FAT1: variants seen among roughly 807,000 people sequenced by gnomAD.
The protein encoded by FAT1 is protocadherin Fat 1.
Under a neutral mutation model 329.8 loss-of-function variants are expected in FAT1, and 171 were observed. The observed-to-expected ratio is 0.52, with a 90% CI of 0.46 to 0.59. The LOEUF (loss-of-function observed/expected upper bound fraction) is 0.59, where lower values mean the gene tolerates loss of function less well. FAT1 is among the 20% of genes least tolerant of loss of function. The pLI is 0.00. For missense variants in FAT1, 5,672 were observed against 5,774.4 expected, an observed-to-expected ratio of 0.98 and a Z score of 0.57; for synonymous variants, 2,233 against 2,228.6, an observed-to-expected ratio of 1.00 and a Z score of -0.06.
rs1360630730 is a variant in FAT1, at chr4:186,619,022, C to T, written c.7564G>A (p.Gly2522Ser). ...TGGTAAGTAACGTGACCATAAATAC[C>T]AGAATCCCCATCCGTAGTTTTCACC... ...MEVKTTDGDS[G>S]IYGHVTYHIV... Residue 2522 changes from glycine (G) to serine (S), a missense_variant, in exon 10 of 27, where the codon GGT becomes AGT. By Grantham distance (56) the Gly-to-Ser change is moderately conservative. Transcript: ENST00000441802. The T allele has an allele frequency of 6.2e-7, 1 of 1,613,838 alleles. No homozygotes were observed. The highest frequency in any genetic ancestry group is 8.5e-7 in the Non-Finnish European group (1 of 1,179,896).
chr4:186,627,554 C>T (rs1193610266), intron 9 of FAT1, among the ~76,000 whole-genome samples: 4 of 152,112 alleles, frequency 2.6e-5, no homozygotes, highest in Non-Finnish European at 5.9e-5. Context: ...TGCCTCAAGC[C>T]CCACCCCAGC....
upstream of FAT1, chr4:186,726,641 C>CCAGG (rs2126731592): frequency 6.6e-6 from 1 of 152,412 alleles, no homozygotes; most frequent in South Asian, 2.1e-4. Flanking sequence ...CAGGACGTGC[C>CCAGG]CAGGCAGCCA....
At chr4:186,655,877 C>A (rs1579397068) in intron 3 of FAT1, among the ~76,000 whole-genome samples, 2 of 152,336 alleles carry the variant, frequency 1.3e-5, no homozygotes, top group Non-Finnish European at 2.9e-5. Context: ...AAAGAAAATG[C>A]AAACACTAGT....
At chr4:186,697,235 C>T (rs141081550) in intron 2 of FAT1, among the ~76,000 whole-genome samples, 1 of 152,196 alleles carries the variant, frequency 6.6e-6, no homozygotes, top group East Asian at 1.9e-4. Context: ...GTATCAATGA[C>T]CCTTGGACAA....
Position 186,618,519 on chromosome 4 carries a change from GACAAGA to G in FAT1, c.8061_8066del (p.Leu2688_Val2689del). The G allele has an allele frequency of 1.2e-6, 2 of 1,614,008 alleles. No individual in the cohort carries two copies. The highest frequency in any genetic ancestry group is 1.7e-6 in the Non-Finnish European group (2 of 1,179,886). On this transcript the variant is annotated inframe_deletion, in exon 10 of 27. Coordinates refer to ENST00000441802, the MANE Select transcript of FAT1 (RefSeq NM_005245.4). ...TTTCCGGTGGAAGGATTTTAACATA[GACAAGA>G]ACAACAGATTCTTTTGATGGAGACC... is the stretch of plus-strand genomic sequence containing the variant.
At chr4:186,695,293 G>A (rs558007938) in intron 2 of FAT1, among the ~76,000 whole-genome samples, 14 of 152,278 alleles carry the variant, frequency 9.2e-5, no homozygotes, top group African/African-American at 3.1e-4. Context: ...GACACAACAC[G>A]TAACTCAGGT....
In FAT1 at chr4:186,644,173, T is replaced by A. The variant is rs1020685558; in HGVS notation, c.3581-4390A>T. The stretch of plus-strand genomic sequence containing the variant: ...TCCCTATCACACCTGACTGCGTAAT[T>A]TGCTGTATTATAGTATTTCAACACT... On this transcript the variant is annotated intron_variant, in intron 3 of 26. Coordinates refer to ENST00000441802, the MANE Select transcript of FAT1 (RefSeq NM_005245.4). 6.6e-5 allele frequency among the ~76,000 whole-genome samples: 10 copies of A among 152,258 alleles called. No homozygotes were observed. In the South Asian group the frequency reaches 1.9e-3, roughly 28 times the overall value.
In FAT1 at chr4:186,706,700, ACTGTCCCCTTTTC is replaced by A. The variant is rs1744624867; in HGVS notation, c.3115_3127del (p.Glu1039Ter). 1 of 1,613,684 alleles carries A rather than the reference ACTGTCCCCTTTTC, an allele frequency of 6.2e-7. No individual in the cohort carries two copies. Among genetic ancestry groups the A allele is most frequent in the Admixed American group, 1.7e-5 (1 of 59,990 alleles). Reference sequence around the variant, plus strand: ...TGAACCAACAGGTGCATCTTCTTTCACTGTCCCCTTTTCCACAAAGCTGGAAAACACGGGTGGG... The same window carrying A: ...TGAACCAACAGGTGCATCTTCTTTCACACAAAGCTGGAAAACACGGGTGGG... On this transcript the variant is annotated frameshift_variant, in exon 2 of 27. Transcript: ENST00000441802. LOFTEE classifies it high-confidence loss of function.
chr4:186,593,370 A>G (rs1051744454), intron 26 of FAT1, among the ~76,000 whole-genome samples: 4 of 152,214 alleles, frequency 2.6e-5, no homozygotes, highest in African/African-American at 9.7e-5. Context: ...GATTGTTTTA[A>G]AATAACTATG....
intron 2 of FAT1, among the ~76,000 whole-genome samples, chr4:186,683,342 T>C (rs1743313354): frequency 6.6e-6 from 1 of 152,002 alleles, no homozygotes; most frequent in Non-Finnish European, 1.5e-5. Flanking sequence ...CACAGCACCA[T>C]CCACCTTGCA....
Position 186,706,043 on chromosome 4 carries a change from G to A in FAT1, c.3265+520C>T, listed in dbSNP as rs553874077. ...TGCCACTACCCCGCCTCTGCCTCTC[G>A]ACCAAAACCTAGACGAGGTACTAAG... On this transcript the variant is annotated intron_variant, in intron 2 of 26. Transcript: ENST00000441802. Among the ~76,000 whole-genome samples the A allele has an allele frequency of 2.6e-5, 4 of 152,240 alleles. No individual in the cohort carries two copies. The South Asian group carries it at 6.2e-4, about 24-fold the overall frequency.
At position 186,708,820 on chromosome 4, in the gene FAT1, T is replaced by C. The variant is rs768795300; in HGVS notation, c.1008A>G (p.Leu336=). The C allele has an allele frequency of 6.2e-7, 1 of 1,613,940 alleles. No individual in the cohort carries two copies. Among genetic ancestry groups the C allele is most frequent in the Non-Finnish European group, 8.5e-7 (1 of 1,179,862 alleles). Residue 336 remains leucine (L), a synonymous_variant, in exon 2 of 27, where the codon CTA becomes CTG. Transcript: ENST00000441802. ...DSHPFGYNLT[L]QAKDKGTPPQ... is the part of the protein sequence containing the mutation. Reference sequence around the variant, plus strand: ...GCGGAGTTCCTTTATCTTTAGCCTGTAGTGTGAGATTGTAGCCGAAAGGAT... The same window carrying C: ...GCGGAGTTCCTTTATCTTTAGCCTGCAGTGTGAGATTGTAGCCGAAAGGAT...
chr4:186,630,961 T>C (rs754368832), intron 7 of FAT1, among the ~76,000 whole-genome samples: 4 of 152,174 alleles, frequency 2.6e-5, no homozygotes, highest in African/African-American at 4.8e-5. Context: ...CTGGAATCAA[T>C]GGCGGTCAGC....
At chr4:186,700,295 G>A (rs781094231) in intron 2 of FAT1, among the ~76,000 whole-genome samples, 8 of 152,136 alleles carry the variant, frequency 5.3e-5, no homozygotes, top group Middle Eastern at 3.2e-3. Flanking sequence ...CATTTTTACC[G>A]ATTAAATCAC....
chr4:186,696,844 CA>C (rs953311225), intron 2 of FAT1, among the ~76,000 whole-genome samples: 1 of 152,064 alleles, frequency 6.6e-6, no homozygotes, highest in Admixed American at 6.5e-5. Context: ...GCCAACACAG[CA>C]AAAACTCGTC....
rs1214929612 is a variant in FAT1, at chr4:186,588,548, C to A, written c.*44G>T. The stretch of plus-strand genomic sequence containing the variant: ...AGAACAGCGCGGATTACTCACATCA[C>A]CTCTAGGTTCACTAAAGTCAGGCAC... On this transcript the variant is annotated 3_prime_UTR_variant, in exon 27 of 27. Coordinates refer to ENST00000441802, the MANE Select transcript of FAT1 (RefSeq NM_005245.4). 4 of 1,577,222 alleles carry A rather than the reference C, an allele frequency of 2.5e-6. No individual in the cohort carries two copies. The highest frequency in any genetic ancestry group is 2.6e-6 in the Non-Finnish European group (3 of 1,163,742).
chr4:186,674,892 A>G (rs961653110), intron 2 of FAT1, among the ~76,000 whole-genome samples: 2 of 151,986 alleles, frequency 1.3e-5, no homozygotes, highest in African/African-American at 4.8e-5. Flanking sequence ...AAATTAGCCA[A>G]GCATGGTGGC....
chr4:186,651,165 T>G (rs1741637491), intron 3 of FAT1, among the ~76,000 whole-genome samples: 1 of 149,700 alleles, frequency 6.7e-6, no homozygotes, highest in Non-Finnish European at 1.5e-5. Flanking sequence ...AATTTATTAA[T>G]AATAAATTAA....
intron 1 of FAT1, among the ~76,000 whole-genome samples, chr4:186,719,075 T>C (rs149794412): frequency 6.6e-6 from 1 of 152,314 alleles, no homozygotes; most frequent in African/African-American, 2.4e-5. Context: ...TTCCATACTC[T>C]TTTATACTCT....
Sources: gnomAD v4.1 joint callset for allele counts (sites outside exome capture counted in the v4.1 genomes callset) on GRCh38, gnomAD v4.1.1 for gene constraint, MANE v1.5 for transcripts, NCBI Gene and HGNC (gene_info 2026-07-23, HGNC 2026-07-21) for gene names.